The following C1QTNF3 variants were observed in gnomAD, a reference collection of about 807,000 sequenced individuals.
C1QTNF3 encodes the protein complement C1q tumor necrosis factor-related protein 3.
C1QTNF3 carries 26 observed loss-of-function variants against 32.6 expected under a neutral mutation model. The observed-to-expected ratio is 0.80, with a 90% confidence interval of 0.58 to 1.11. C1QTNF3 has a LOEUF of 1.11. C1QTNF3 is among the 50% of genes least tolerant of loss of function. The pLI is 0.00. For missense variants in C1QTNF3, 362 were observed against 398.2 expected, an observed-to-expected ratio of 0.91 and a Z score of 0.77; for synonymous variants, 155 against 146.0, an observed-to-expected ratio of 1.06 and a Z score of -0.44.
chr5:34,042,790 T>C, intron 1 of C1QTNF3, 33 bp downstream of exon 1: 7 of 1,577,286 alleles, frequency 4.4e-6, no homozygotes, highest in Non-Finnish European at 5.2e-6. Context: ...CATTAAGCTT[T>C]CACAAAAATC....
chr5:34,042,223 T>A (rs1353293671), intron 1 of C1QTNF3, among the ~76,000 whole-genome samples: 2 of 151,986 alleles, frequency 1.3e-5, no homozygotes, highest in Non-Finnish European at 2.9e-5. Context: ...CTATAAGGTA[T>A]GCATTTCAAA....
At chr5:34,044,187 A>G (rs1176895877), upstream of C1QTNF3, among the ~76,000 whole-genome samples, 5 of 152,242 alleles carry the variant, frequency 3.3e-5, 1 homozygote, top group South Asian at 6.2e-4. Context: ...TAGTTGCTAT[A>G]CTTTTATTAA....
chr5:34,047,631 G>A (rs1179556595), upstream of C1QTNF3, among the ~76,000 whole-genome samples: 1 of 152,146 alleles, frequency 6.6e-6, no homozygotes, highest in African/African-American at 2.4e-5. Flanking sequence ...AATACTCCCC[G>A]TACTAAGCAC....
At chr5:34,040,737 C>T (rs996492645) in intron 1 of C1QTNF3, among the ~76,000 whole-genome samples, 2 of 150,956 alleles carry the variant, frequency 1.3e-5, no homozygotes, top group Non-Finnish European at 3.0e-5. Context: ...GTCCCCCCAA[C>T]CCCCACCCCT....
chr5:34,047,683 A>G (rs1435661615), upstream of C1QTNF3, among the ~76,000 whole-genome samples: 4 of 152,216 alleles, frequency 2.6e-5, no homozygotes, highest in Non-Finnish European at 5.9e-5. Flanking sequence ...AGTCTCTTTG[A>G]TTTAAACCAA....
At chr5:34,231,150 T>A in the C1QTNF3 span, among the ~76,000 whole-genome samples, 1 of 152,164 alleles carries the variant, frequency 6.6e-6, no homozygotes, top group African/African-American at 2.4e-5. Flanking sequence ...AGGGTTTCAA[T>A]AAACTTAGTT....
At chr5:34,153,859 A>T in the C1QTNF3 span, among the ~76,000 whole-genome samples, 2 of 149,370 alleles carry the variant, frequency 1.3e-5, no homozygotes, top group African/African-American at 4.9e-5. Context: ...AGTATAAAAA[A>T]AAAAAAAAAA....
At position 34,035,658 on chromosome 5, in the gene C1QTNF3, G is replaced by A. The variant is rs1052102229; in HGVS notation, c.404C>T (p.Pro135Leu). The change falls in exon 2 of 6, where the codon CCT becomes CTT. Residue 135 changes from proline (P) to leucine (L), a missense_variant. Transcript: ENST00000382065. Reference sequence around the variant, plus strand: ...TTGCTCATCCTTACCTGGAATGCCAGGAGGGCCCGGTGGCCCAGGGGGGCC... The same window carrying A: ...TTGCTCATCCTTACCTGGAATGCCAAGAGGGCCCGGTGGCCCAGGGGGGCC... ...YQGPPGPPGP[P>L]GIPGNHGNNG... 1 of 1,610,050 alleles carries A rather than the reference G, an allele frequency of 6.2e-7. No individual in the cohort carries two copies. The highest frequency in any genetic ancestry group is 8.5e-7 in the Non-Finnish European group (1 of 1,177,616).
the C1QTNF3 span, among the ~76,000 whole-genome samples, chr5:34,132,779 G>A: frequency 3.2e-4 from 48 of 152,076 alleles, no homozygotes; most frequent in Non-Finnish European, 5.9e-4. Context: ...AGGTGTCTCC[G>A]ATATCTTCCT....
chr5:34,108,357 T>C, the C1QTNF3 span, among the ~76,000 whole-genome samples: 2 of 152,124 alleles, frequency 1.3e-5, no homozygotes, highest in Non-Finnish European at 2.9e-5. Context: ...GTGTTTCCAG[T>C]AAAAAGCAAG....
the C1QTNF3 span, among the ~76,000 whole-genome samples, chr5:34,212,574 C>T: frequency 6.6e-6 from 1 of 151,878 alleles, no homozygotes; most frequent in Admixed American, 6.6e-5. Context: ...AACAAACAAC[C>T]CCATCAAAAA....
the C1QTNF3 span, among the ~76,000 whole-genome samples, chr5:34,066,138 A>G: frequency 2.0e-4 from 31 of 152,196 alleles, no homozygotes; most frequent in Non-Finnish European, 3.7e-4. Context: ...GCTTGAGCAC[A>G]CTTGTCCAAC....
At chr5:34,060,691 T>C in the C1QTNF3 span, among the ~76,000 whole-genome samples, 1 of 152,094 alleles carries the variant, frequency 6.6e-6, no homozygotes, top group African/African-American at 2.4e-5. Flanking sequence ...AAACTTCCAT[T>C]TTTAAAACTG....
At chr5:34,050,805 T>C in the C1QTNF3 span, among the ~76,000 whole-genome samples, 1 of 152,220 alleles carries the variant, frequency 6.6e-6, no homozygotes, top group African/African-American at 2.4e-5. Flanking sequence ...TATTAAATGT[T>C]TCTTTCAGAG....
the C1QTNF3 span, among the ~76,000 whole-genome samples, chr5:34,143,834 A>C: frequency 6.6e-6 from 1 of 152,186 alleles, no homozygotes; most frequent in Non-Finnish European, 1.5e-5. Flanking sequence ...AACACACTTA[A>C]GCACATAGCC....
chr5:34,026,720 G>A (rs111539422), intron 4 of C1QTNF3, among the ~76,000 whole-genome samples: 6,696 of 152,104 alleles, frequency 0.044, 192 homozygotes, highest in Middle Eastern at 0.099. Context: ...AGAAACTAGA[G>A]CATACGGCTG....
At chr5:34,135,089 T>G in the C1QTNF3 span, among the ~76,000 whole-genome samples, 80,453 of 151,996 alleles carry the variant, frequency 0.53, 22,620 homozygotes, top group Non-Finnish European at 0.62. Context: ...TGAGTTACGT[T>G]CTATCAATAA....
chr5:34,039,757 A>G (rs1754822564), intron 1 of C1QTNF3, among the ~76,000 whole-genome samples: 1 of 152,228 alleles, frequency 6.6e-6, no homozygotes. Context: ...TTCCAGCTCT[A>G]CAATGCAAAG....
chr5:34,045,941 G>A (rs934868414), upstream of C1QTNF3, among the ~76,000 whole-genome samples: 1 of 152,084 alleles, frequency 6.6e-6, no homozygotes, highest in Non-Finnish European at 1.5e-5. Context: ...TTTAAAAATA[G>A]GGATTGTTAA....
Sources: allele counts gnomAD v4.1 joint callset (sites outside exome capture counted in the v4.1 genomes callset), GRCh38; gene constraint gnomAD v4.1.1; transcripts MANE v1.5; gene names NCBI Gene and HGNC (gene_info 2026-07-23, HGNC 2026-07-21).